The following GPC6 variants were observed in gnomAD, a reference collection of about 807,000 sequenced individuals.
GPC6 encodes the protein glypican-6.
A neutral mutation model predicts 55.2 loss-of-function variants in GPC6; 14 were observed. The ratio of observed to expected loss-of-function variants is 0.25; its 90% CI spans 0.17 to 0.40. The LOEUF (loss-of-function observed/expected upper bound fraction) is 0.40, where lower values mean the gene tolerates loss of function less well. Among genes scored for constraint, GPC6 ranks in the 10% least tolerant of loss-of-function variants. The pLI is 1.00. For missense variants in GPC6, 641 were observed against 708.5 expected, an observed-to-expected ratio of 0.90 and a Z score of 1.08; for synonymous variants, 278 against 259.6, an observed-to-expected ratio of 1.07 and a Z score of -0.68.
At chr13:93,986,308 C>T (rs1295865465) in intron 3 of GPC6, among the ~76,000 whole-genome samples, 3 of 152,122 alleles carry the variant, frequency 2.0e-5, no homozygotes. Flanking sequence ...AGACATTCAA[C>T]TCTGTGATCT....
chr13:94,326,518 C>T (rs17253815), intron 6 of GPC6, among the ~76,000 whole-genome samples: 6,160 of 152,214 alleles, frequency 0.04, 441 homozygotes, highest in East Asian at 0.25. Context: ...AGGATGGATC[C>T]TCTTTTCTGA....
At chr13:93,960,736 C>T (rs188325997) in intron 3 of GPC6, among the ~76,000 whole-genome samples, 17 of 152,192 alleles carry the variant, frequency 1.1e-4, no homozygotes, top group Admixed American at 9.2e-4. Flanking sequence ...GATGCTGAAG[C>T]CACTGCTGTA....
At chr13:93,295,312 AAG>A (rs1355565485) in intron 1 of GPC6, among the ~76,000 whole-genome samples, 10 of 144,560 alleles carry the variant, frequency 6.9e-5, no homozygotes, top group East Asian at 2.0e-4. Context: ...AAAAAAAAAA[AAG>A]AGAAAAAAGA....
In GPC6 at chr13:94,272,458, CTTTTCTTTTTTTTTTTT is replaced by C. The variant is rs1294966295; in HGVS notation, c.878-13886_878-13870del. Among the ~76,000 whole-genome samples, 222 of 115,422 alleles carry C rather than the reference CTTTTCTTTTTTTTTTTT, an allele frequency of 1.9e-3. 1 individual carries two copies. The highest frequency in any genetic ancestry group is 7.8e-3 in the African/African-American group (203 of 25,914). 75.7% of individuals were successfully genotyped at this position (115,422 alleles called of 152,430 possible). ...GCTTCTTTTTCTTTTCTTTTCTTTT[CTTTTCTTTTTTTTTTTT>C]TTTTTTTTTTTGAAACAGAGTCTCA... On this transcript the variant is annotated intron_variant, in intron 4 of 8. Coordinates refer to ENST00000377047, the MANE Select transcript of GPC6 (RefSeq NM_005708.5).
chr13:94,080,269 C>T (rs1885056187), intron 4 of GPC6, among the ~76,000 whole-genome samples: 1 of 152,134 alleles, frequency 6.6e-6, no homozygotes, highest in Non-Finnish European at 1.5e-5. Context: ...CTGACTAAAA[C>T]ATTTATTTCT....
intron 2 of GPC6, among the ~76,000 whole-genome samples, chr13:93,663,812 T>C (rs1336088051): frequency 1.3e-5 from 2 of 152,182 alleles, no homozygotes; most frequent in Non-Finnish European, 2.9e-5. Context: ...CTGTGCTAGA[T>C]GTATAGGTAA....
At chr13:93,256,074 G>T (rs562104984) in intron 1 of GPC6, among the ~76,000 whole-genome samples, 3 of 149,840 alleles carry the variant, frequency 2.0e-5, no homozygotes, top group African/African-American at 7.4e-5. Flanking sequence ...TTGAGATGTT[G>T]TAAGTTTTAA....
rs372065302 is a variant in GPC6 at position 93,549,770 on chromosome 13, CA to C, written c.319+4360del. Among the ~76,000 whole-genome samples, 329 of 144,164 alleles carry C rather than the reference CA, an allele frequency of 2.3e-3. 1 individual carries two copies. Among genetic ancestry groups the C allele is most frequent in the African/African-American group, 6.9e-3 (272 of 39,574 alleles). The allele number at this position is 144,164 out of a possible 152,430, so 94.6% of individuals were successfully genotyped here. ...GTGGAAGATTTGTTTTTAACTCCTA[CA>C]AAAAAAAAAATTACCCACCTAAATA... On this transcript the variant is annotated intron_variant, in intron 2 of 8. Coordinates refer to ENST00000377047, the MANE Select transcript of GPC6 (RefSeq NM_005708.5).
intron 2 of GPC6, among the ~76,000 whole-genome samples, chr13:93,789,510 TA>T (rs1184035026): frequency 2.8e-4 from 5 of 17,604 alleles, no homozygotes; most frequent in African/African-American, 1.1e-3. Flanking sequence ...TCTCTCTCTC[TA>T]TATATATATA....
At chr13:94,062,146 T>C (rs1369177070) in intron 4 of GPC6, among the ~76,000 whole-genome samples, 1 of 152,236 alleles carries the variant, frequency 6.6e-6, no homozygotes, top group African/African-American at 2.4e-5. Flanking sequence ...TTTTTTCGTT[T>C]GTTTTGTCCA....
intron 4 of GPC6, among the ~76,000 whole-genome samples, chr13:94,144,438 CACA>C (rs1887490289): frequency 6.7e-6 from 1 of 150,036 alleles, no homozygotes; most frequent in African/African-American, 2.5e-5. Flanking sequence ...CACACACACA[CACA>C]CACCAGAAAT....
chr13:93,902,907 A>T (rs1876437853), intron 3 of GPC6, among the ~76,000 whole-genome samples: 1 of 152,150 alleles, frequency 6.6e-6, no homozygotes, highest in Non-Finnish European at 1.5e-5. Context: ...TATTGAGTTG[A>T]TAACGCAGAC....
rs186242207 is a variant in GPC6, at chr13:93,517,181, T to A, written c.161-28082T>A. Among the ~76,000 whole-genome samples, 7 of 152,288 alleles carry A rather than the reference T, an allele frequency of 4.6e-5. No individual in the cohort carries two copies. In the East Asian group the frequency reaches 7.7e-4, roughly 17 times the overall value. On this transcript the variant is annotated intron_variant, in intron 1 of 8. Coordinates refer to ENST00000377047, the MANE Select transcript of GPC6 (RefSeq NM_005708.5). ...GAATCACCTGATACTTTTCCTCTTGTACCTTGTGTCTCAGAAACACCTTTC... is the reference window on the plus strand; with the variant it reads ...GAATCACCTGATACTTTTCCTCTTGAACCTTGTGTCTCAGAAACACCTTTC...
At chr13:94,315,290 C>A (rs958300248) in intron 6 of GPC6, among the ~76,000 whole-genome samples, 1 of 152,202 alleles carries the variant, frequency 6.6e-6, no homozygotes, top group African/African-American at 2.4e-5. Flanking sequence ...CAAGGCCACA[C>A]CTATAAACAG....
intron 1 of GPC6, among the ~76,000 whole-genome samples, chr13:93,463,838 C>T (rs1878803794): frequency 6.6e-6 from 1 of 151,438 alleles, no homozygotes. Flanking sequence ...ACGGCATTTG[C>T]TTGATTTATT....
rs566507262 is a variant in GPC6, at chr13:94,093,196, T to C, written c.877+65302T>C. Among the ~76,000 whole-genome samples the C allele has an allele frequency of 8.5e-5, 13 of 152,210 alleles. No individual in the cohort carries two copies. In the East Asian group the frequency reaches 2.3e-3, roughly 27 times the overall value. ...TTCAAGAAATCATTGCCAATATCAA[T>C]GTCAAAAAATTTTTTTCCTCTTTTT... is the stretch of plus-strand genomic sequence containing the variant. On this transcript the variant is annotated intron_variant, in intron 4 of 8. Coordinates refer to ENST00000377047, the MANE Select transcript of GPC6 (RefSeq NM_005708.5).
chr13:93,373,995 C>T (rs557244690), intron 1 of GPC6, among the ~76,000 whole-genome samples: 7 of 152,084 alleles, frequency 4.6e-5, no homozygotes, highest in Admixed American at 3.9e-4. Flanking sequence ...ATAATTGCTG[C>T]CCTTATGGGC....
In GPC6 at chr13:93,608,886, C is replaced by G. The variant is rs370234572; in HGVS notation, c.319+63465C>G. On this transcript the variant is annotated intron_variant, in intron 2 of 8. Transcript: ENST00000377047. ...GAGATTCAAACTACTGCTATTTTAG[C>G]TCATCTGAGGCCAGCATTTATGAGT... 5.9e-5 allele frequency among the ~76,000 whole-genome samples: 9 copies of G among 152,280 alleles called. 1 individual carries two copies. The East Asian group carries it at 1.5e-3, about 26-fold the overall frequency.
chr13:93,680,720 C>T (rs1881816439), intron 2 of GPC6, among the ~76,000 whole-genome samples: 2 of 152,258 alleles, frequency 1.3e-5, no homozygotes, highest in South Asian at 4.1e-4. Context: ...GACCTAGGCC[C>T]TTTCTATGTG....
Sources: gnomAD v4.1 joint callset for allele counts (sites outside exome capture counted in the v4.1 genomes callset) on GRCh38, gnomAD v4.1.1 for gene constraint, MANE v1.5 for transcripts, NCBI Gene and HGNC (gene_info 2026-07-23, HGNC 2026-07-21) for gene names.